Variants in MS4A2 observed in about 807,000 individuals in gnomAD.
The protein encoded by MS4A2 is membrane spanning 4-domains A2.
MS4A2 carries 26 observed loss-of-function variants against 27.9 expected under a neutral mutation model. That is an observed-to-expected ratio of 0.93 (90% CI 0.68 to 1.29). MS4A2 has a LOEUF of 1.29. Ranked by LOEUF, MS4A2 falls within the 50% of genes most tolerant of loss-of-function variation. The pLI is 0.00. For synonymous variants in MS4A2, 110 were observed against 98.8 expected (o/e 1.11, Z -0.67); for missense variants, 284 against 284.6 (o/e 1.00, Z 0.01).
In MS4A2 at chr11:60,090,319, C is replaced by T. The variant is rs369180912; in HGVS notation, c.187-17C>T. On this transcript the variant is annotated splice_polypyrimidine_tract_variant and intron_variant, in intron 2 of 6. Coordinates refer to ENST00000278888, the MANE Select transcript of MS4A2 (RefSeq NM_000139.5). ...AAATTTTTTTGATTTTCATGAAATT[C>T]ATGTGTTTTTCTATAGGTAACACAA... 14 of 1,610,858 alleles carry T rather than the reference C, an allele frequency of 8.7e-6. No individual in the cohort carries two copies. The highest frequency in any genetic ancestry group is 1.2e-5 in the Non-Finnish European group (14 of 1,179,474).
At position 60,097,824 on chromosome 11, in the gene MS4A2, C is replaced by G. The variant is rs1305727820; in HGVS notation, c.*2168C>G. On this transcript the variant is annotated 3_prime_UTR_variant, in exon 7 of 7. Coordinates refer to ENST00000278888, the MANE Select transcript of MS4A2 (RefSeq NM_000139.5). ...TGGTATGCTTTATTTAATTGTAGGGCCTGAGGTTTTCCATTCTCATTTTTC... is the reference window on the plus strand; with the variant it reads ...TGGTATGCTTTATTTAATTGTAGGGGCTGAGGTTTTCCATTCTCATTTTTC... 1 of 152,136 alleles carries G rather than the reference C, an allele frequency of 6.6e-6. No homozygotes were observed. Among genetic ancestry groups the G allele is most frequent in the Non-Finnish European group, 1.5e-5 (1 of 68,032 alleles). 9.4% of individuals were successfully genotyped at this position (152,136 alleles called of 1,614,324 possible).
intron 3 of MS4A2, among the ~76,000 whole-genome samples, chr11:60,091,895 G>A (rs1482458310): frequency 6.6e-6 from 1 of 152,122 alleles, no homozygotes; most frequent in Non-Finnish European, 1.5e-5. Flanking sequence ...CACAATCTGA[G>A]TCTTTAGGAG....
rs957077311 is a variant in MS4A2, at chr11:60,096,575, T to A, written c.*919T>A. ...TGAGTCTAAGATGAAAGGAGAACAC[T>A]GGTTATGTTGATAGAATGATAAAAA... On this transcript the variant is annotated 3_prime_UTR_variant, in exon 7 of 7. Coordinates refer to ENST00000278888, the MANE Select transcript of MS4A2 (RefSeq NM_000139.5). 1 of 152,086 alleles carries A rather than the reference T, an allele frequency of 6.6e-6. No individual in the cohort carries two copies. The highest frequency in any genetic ancestry group is 1.5e-5 in the Non-Finnish European group (1 of 68,010). 9.4% of individuals were successfully genotyped at this position (152,086 alleles called of 1,614,324 possible).
chr11:60,095,979 A>G lies in MS4A2; in HGVS notation c.*323A>G. ...TACAGAAAAAAAGAAGGCTGGCTGA[A>G]AGTTGAGTTAAACTTTGACAGTTTG... On this transcript the variant is annotated 3_prime_UTR_variant, in exon 7 of 7. Transcript: ENST00000278888. 1 of 291,322 alleles carries G rather than the reference A, an allele frequency of 3.4e-6. No homozygotes were observed. The highest frequency in any genetic ancestry group is 6.5e-6 in the Non-Finnish European group (1 of 154,714). 18.0% of individuals were successfully genotyped at this position (291,322 alleles called of 1,614,324 possible).
rs1457664677 is a variant in MS4A2, at chr11:60,090,597, G to A, written c.321+127G>A. 11 of 855,510 alleles carry A rather than the reference G, an allele frequency of 1.3e-5. No individual in the cohort carries two copies. In the Admixed American group the frequency reaches 1.4e-4, roughly 11 times the overall value. The allele number at this position is 855,510 out of a possible 1,614,324, so 53.0% of individuals were successfully genotyped here. ...TATAATTCTTAATTATAAATTATAT[G>A]TGAGCATATATAACATAGATATGCT... On this transcript the variant is annotated intron_variant, in intron 3 of 6. Coordinates refer to ENST00000278888, the MANE Select transcript of MS4A2 (RefSeq NM_000139.5).
intron 3 of MS4A2, 94 bp from the exon 4 acceptor site, chr11:60,092,698 C>T (rs1221178077): frequency 4.5e-6 from 5 of 1,111,114 alleles, no homozygotes; most frequent in East Asian, 2.5e-5. Flanking sequence ...TATCGAGTAC[C>T]CCAAATGTTA....
intron 6 of MS4A2, among the ~76,000 whole-genome samples, chr11:60,094,752 C>A (rs905126162): frequency 2.0e-5 from 3 of 152,212 alleles, no homozygotes; most frequent in African/African-American, 7.2e-5. Context: ...AGTTCAAAAC[C>A]AGCCTGGCCA....
intron 5 of MS4A2, 152 bp downstream of exon 5, chr11:60,093,710 C>A: frequency 8.7e-7 from 1 of 1,144,440 alleles, no homozygotes; most frequent in Non-Finnish European, 1.3e-6. Context: ...CAGGGAGATG[C>A]TGGCTGCCCA....
Position 60,090,398 on chromosome 11 carries a change from T to A in MS4A2, c.249T>A (p.Leu83=), listed in dbSNP as rs1855737384. The change falls in exon 3 of 7, where the codon CTT becomes CTA. Residue 83 remains leucine, a synonymous_variant. Transcript: ENST00000278888. ...LCFGTVVCSV[L]DISHIEGDIF... is the part of the protein sequence containing the mutation. ...TTGGAACAGTTGTCTGCTCTGTACT[T>A]GATATTTCACACATTGAGGGAGACA... is the stretch of plus-strand genomic sequence containing the variant. 6.2e-7 allele frequency: 1 copy of A among 1,613,386 alleles called. No homozygotes were observed. Among genetic ancestry groups the A allele is most frequent in the African/African-American group, 1.3e-5 (1 of 74,922 alleles).
rs1363205718 is a variant in MS4A2, at chr11:60,090,335, G to A, written c.187-1G>A. 1.2e-6 allele frequency: 2 copies of A among 1,612,254 alleles called. No individual in the cohort carries two copies. Among genetic ancestry groups the A allele is most frequent in the Non-Finnish European group, 1.7e-6 (2 of 1,179,788 alleles). Reference sequence around the variant, plus strand: ...CATGAAATTCATGTGTTTTTCTATAGGTAACACAAATTCTGACTGCTATGA... The same window carrying A: ...CATGAAATTCATGTGTTTTTCTATAAGTAACACAAATTCTGACTGCTATGA... On this transcript the variant is annotated splice_acceptor_variant, in intron 2 of 6. Transcript: ENST00000278888. LOFTEE classifies it high-confidence loss of function.
rs2134704209 is a variant in MS4A2, at chr11:60,096,656, G to A, written c.*1000G>A. 1 of 152,034 alleles carries A rather than the reference G, an allele frequency of 6.6e-6. No homozygotes were observed. Among genetic ancestry groups the A allele is most frequent in the East Asian group, 1.9e-4 (1 of 5,150 alleles). 9.4% of individuals were successfully genotyped at this position (152,034 alleles called of 1,614,324 possible). ...CCCAGCCCTTTGGGAGGCCGAGGTGGGCAGATCACGAAGTCAGTAGTTTGA... is the reference window on the plus strand; with the variant it reads ...CCCAGCCCTTTGGGAGGCCGAGGTGAGCAGATCACGAAGTCAGTAGTTTGA... On this transcript the variant is annotated 3_prime_UTR_variant, in exon 7 of 7. Coordinates refer to ENST00000278888, the MANE Select transcript of MS4A2 (RefSeq NM_000139.5).
rs17860459 is a variant in MS4A2 at position 60,095,557 on chromosome 11, G to C, written c.637-1G>C. 4 of 1,598,024 alleles carry C rather than the reference G, an allele frequency of 2.5e-6. No individual in the cohort carries two copies. Among genetic ancestry groups the C allele is most frequent in the African/African-American group, 1.3e-5 (1 of 74,688 alleles). On this transcript the variant is annotated splice_acceptor_variant, in intron 6 of 6. Transcript: ENST00000278888. LOFTEE classifies it high-confidence loss of function. Reference sequence around the variant, plus strand: ...ATATGAAATGATTTTTCCCTTATCAGGTTCCAGAGGATCGTGTTTATGAAG... The same window carrying C: ...ATATGAAATGATTTTTCCCTTATCACGTTCCAGAGGATCGTGTTTATGAAG...
At chr11:60,094,717 G>A (rs111293950) in intron 6 of MS4A2, among the ~76,000 whole-genome samples, 5 of 152,336 alleles carry the variant, frequency 3.3e-5, no homozygotes, top group East Asian at 3.9e-4. Context: ...GTGAGGCTGA[G>A]GAGGGCGGAT....
Position 60,090,329 on chromosome 11 carries a change from T to C in MS4A2, c.187-7T>C, listed in dbSNP as rs773566103. ...GATTTTCATGAAATTCATGTGTTTT[T>C]CTATAGGTAACACAAATTCTGACTG... On this transcript the variant is annotated splice_polypyrimidine_tract_variant and splice_region_variant and intron_variant, in intron 2 of 6. Transcript: ENST00000278888. 1.9e-6 allele frequency: 3 copies of C among 1,612,130 alleles called. No individual in the cohort carries two copies. In the South Asian group the frequency reaches 3.3e-5, roughly 18 times the overall value.
chr11:60,092,800 T>G lies in MS4A2; in HGVS notation c.330T>G (p.Ile110Met). ...YPFWGAIFFS[I>M]SGMLSIISER... ...TCCTCCTTTTTGAACAGTTTTCTAT[T>G]TCTGGAATGTTGTCAATTATATCTG... Residue 110 changes from isoleucine (I) to methionine (M), a missense_variant, in exon 4 of 7, where the codon ATT (isoleucine) becomes ATG (methionine). Coordinates refer to ENST00000278888, the MANE Select transcript of MS4A2 (RefSeq NM_000139.5). 6.2e-7 allele frequency: 1 copy of G among 1,613,902 alleles called. No homozygotes were observed. The highest frequency in any genetic ancestry group is 8.5e-7 in the Non-Finnish European group (1 of 1,179,902).
chr11:60,093,404 G>C lies in MS4A2; in HGVS notation c.383G>C (p.Arg128Thr). Residue 128 changes from arginine to threonine, a missense_variant, in exon 5 of 7, where the codon AGA becomes ACA. Transcript: ENST00000278888. Reference sequence around the variant, plus strand: ...AGTGTTCTTCATTATTATCAGGTGAGAGGAAGCCTGGGAGCAAACACTGCC... The same window carrying C: ...AGTGTTCTTCATTATTATCAGGTGACAGGAAGCCTGGGAGCAAACACTGCC... ...SERRNATYLV[R>T]GSLGANTASS... 6.2e-7 allele frequency: 1 copy of C among 1,614,166 alleles called. No homozygotes were observed. Among genetic ancestry groups the C allele is most frequent in the Non-Finnish European group, 8.5e-7 (1 of 1,180,030 alleles).
chr11:60,091,686 A>G (rs556342870), intron 3 of MS4A2, among the ~76,000 whole-genome samples: 20 of 152,302 alleles, frequency 1.3e-4, no homozygotes, highest in African/African-American at 4.1e-4. Context: ...TTTTTTCTTT[A>G]TATCGATACT....
In MS4A2 at chr11:60,095,617, G is replaced by A; in HGVS notation, c.696G>A (p.Leu232=). The change falls in exon 7 of 7, where the codon TTG becomes TTA. Residue 232 remains leucine, a synonymous_variant. Coordinates refer to ENST00000278888, the MANE Select transcript of MS4A2 (RefSeq NM_000139.5). ...TATATTCAGCTACTTACAGTGAGTTGGAAGACCCAGGGGAAATGTCTCCTC... is the reference window on the plus strand; with the variant it reads ...TATATTCAGCTACTTACAGTGAGTTAGAAGACCCAGGGGAAATGTCTCCTC... ...LNIYSATYSE[L]EDPGEMSPPI... The A allele has an allele frequency of 6.2e-7, 1 of 1,612,278 alleles. No homozygotes were observed. The highest frequency in any genetic ancestry group is 1.3e-5 in the African/African-American group (1 of 74,986).
At position 60,096,461 on chromosome 11, in the gene MS4A2, CATGTA is replaced by C. The variant is rs1483781869; in HGVS notation, c.*806_*810del. On this transcript the variant is annotated 3_prime_UTR_variant, in exon 7 of 7. Transcript: ENST00000278888. ...ATGGAAATAATGGTTATATCTAAAA[CATGTA>C]GAAAAAGAGTAACTGGTAGATTTTG... is the stretch of plus-strand genomic sequence containing the variant. 1 of 152,014 alleles carries C rather than the reference CATGTA, an allele frequency of 6.6e-6. No individual in the cohort carries two copies. Among genetic ancestry groups the C allele is most frequent in the Non-Finnish European group, 1.5e-5 (1 of 68,012 alleles). The allele number at this position is 152,014 out of a possible 1,614,324, so 9.4% of individuals were successfully genotyped here. A position where few individuals can be genotyped will look rare whatever the true frequency, so the allele number is the denominator to read the frequency against.
Sources: gnomAD v4.1 joint callset for allele counts (sites outside exome capture counted in the v4.1 genomes callset) on GRCh38, gnomAD v4.1.1 for gene constraint, MANE v1.5 for transcripts, NCBI Gene and HGNC (gene_info 2026-07-23, HGNC 2026-07-21) for gene names.